Variants in THSD4 observed in about 807,000 individuals in gnomAD.
THSD4 encodes the protein thrombospondin type 1 domain containing 4.
THSD4 carries 69 observed loss-of-function variants against 119.0 expected under a neutral mutation model. That is an observed-to-expected ratio of 0.58 (90% CI 0.48 to 0.71). The LOEUF (loss-of-function observed/expected upper bound fraction) is 0.71. Among genes scored for constraint, THSD4 ranks in the 30% least tolerant of loss-of-function variants. The pLI, the probability that THSD4 is intolerant of heterozygous loss-of-function variation, is 0.00. For synonymous variants in THSD4, 524 were observed against 540.4 expected (o/e 0.97, Z 0.42); for missense variants, 1,393 against 1,391.1 (o/e 1.00, Z -0.02).
chr15:71,464,384 A>G (rs2047470576), intron 7 of THSD4, among the ~76,000 whole-genome samples: 1 of 152,086 alleles, frequency 6.6e-6, no homozygotes, highest in Admixed American at 6.5e-5. Flanking sequence ...ATTGCTTGTT[A>G]ATTTAGAGAA....
At chr15:71,351,173 G>A (rs960786922) in intron 6 of THSD4, among the ~76,000 whole-genome samples, 4 of 152,242 alleles carry the variant, frequency 2.6e-5, no homozygotes, top group African/African-American at 7.2e-5. Context: ...ACAATTGAAC[G>A]TTGCATGGTA....
At chr15:71,639,365 A>G (rs2050810805) in intron 7 of THSD4, among the ~76,000 whole-genome samples, 1 of 152,234 alleles carries the variant, frequency 6.6e-6, no homozygotes, top group South Asian at 2.1e-4. Context: ...AGCTCATAGA[A>G]TATCATTATT....
At chr15:71,691,178 A>G (rs2052042181) in intron 8 of THSD4, among the ~76,000 whole-genome samples, 1 of 152,204 alleles carries the variant, frequency 6.6e-6, no homozygotes, top group Admixed American at 6.5e-5. Flanking sequence ...TGGAAAGGCA[A>G]GGAAACAATT....
chr15:71,607,010 G>A (rs948693439), intron 7 of THSD4, among the ~76,000 whole-genome samples: 2 of 152,232 alleles, frequency 1.3e-5, no homozygotes, highest in East Asian at 1.9e-4. Flanking sequence ...TCCAACAGAA[G>A]TGTATTGGTA....
At chr15:71,668,924 A>T (rs543877332) in intron 8 of THSD4, among the ~76,000 whole-genome samples, 48 of 152,352 alleles carry the variant, frequency 3.2e-4, no homozygotes, top group South Asian at 6.2e-4. Flanking sequence ...ATTCTTGGAG[A>T]AGAAAACTTA....
At chr15:71,667,810 C>T (rs2051445414) in intron 8 of THSD4, among the ~76,000 whole-genome samples, 1 of 152,176 alleles carries the variant, frequency 6.6e-6, no homozygotes, top group South Asian at 2.1e-4. Context: ...ATTCCCTCTT[C>T]ATACAAACTC....
intron 6 of THSD4, among the ~76,000 whole-genome samples, chr15:71,393,005 G>A (rs906240284): frequency 1.3e-5 from 2 of 152,202 alleles, no homozygotes; most frequent in Non-Finnish European, 2.9e-5. Context: ...GCAGCCACAA[G>A]GGAACCTCCG....
chr15:71,492,923 A>G (rs2047944711), intron 7 of THSD4, among the ~76,000 whole-genome samples: 2 of 151,766 alleles, frequency 1.3e-5, no homozygotes, highest in African/African-American at 4.9e-5. Context: ...CATATAATGA[A>G]CTGTTGAAAA....
At chr15:71,218,629 A>C (rs576608606) in intron 4 of THSD4, among the ~76,000 whole-genome samples, 1 of 152,232 alleles carries the variant, frequency 6.6e-6, no homozygotes, top group Admixed American at 6.5e-5. Context: ...TGCTGCCTAC[A>C]TATGTCATGC....
chr15:71,264,226 C>T (rs1296292010), intron 6 of THSD4, among the ~76,000 whole-genome samples: 18 of 152,208 alleles, frequency 1.2e-4, no homozygotes, highest in Admixed American at 1.1e-3. Flanking sequence ...TTTACTGAAG[C>T]GGCTTTATTC....
intron 10 of THSD4, among the ~76,000 whole-genome samples, chr15:71,737,218 C>G (rs528554045): frequency 6.6e-6 from 1 of 152,280 alleles, no homozygotes; most frequent in South Asian, 2.1e-4. Flanking sequence ...AACTGAATTG[C>G]TAGGTCAAAG....
intron 7 of THSD4, among the ~76,000 whole-genome samples, chr15:71,612,771 C>T (rs139647961): frequency 1.1e-3 from 162 of 152,316 alleles, no homozygotes; most frequent in Middle Eastern, 3.4e-3. Context: ...ATTGATATGG[C>T]TCAAAGGTCC....
chr15:71,422,851 A>G (rs2140518490), intron 7 of THSD4, among the ~76,000 whole-genome samples: 1 of 152,182 alleles, frequency 6.6e-6, no homozygotes, highest in African/African-American at 2.4e-5. Context: ...GAAACCTAGG[A>G]ATCAACTGTT....
In THSD4 at chr15:71,276,792, G is replaced by A. The variant is rs192964613; in HGVS notation, c.1015+20077G>A. On this transcript the variant is annotated intron_variant, in intron 6 of 17. Transcript: ENST00000261862. ...AAATATGAACAGGTTATCGTACATTGTCTAAATGTATTCACATTTAAAATG... is the reference window on the plus strand; with the variant it reads ...AAATATGAACAGGTTATCGTACATTATCTAAATGTATTCACATTTAAAATG... Among the ~76,000 whole-genome samples, 8 of 152,320 alleles carry A rather than the reference G, an allele frequency of 5.3e-5. No individual in the cohort carries two copies. In the South Asian group the frequency reaches 1.0e-3, roughly 20 times the overall value.
At chr15:71,667,855 A>T (rs751051148) in intron 8 of THSD4, among the ~76,000 whole-genome samples, 1 of 152,208 alleles carries the variant, frequency 6.6e-6, no homozygotes, top group Non-Finnish European at 1.5e-5. Flanking sequence ...TGTAAAGACT[A>T]CTTGAAGGTA....
chr15:71,715,541 A>G (rs2052590294), intron 8 of THSD4, among the ~76,000 whole-genome samples: 1 of 151,738 alleles, frequency 6.6e-6, no homozygotes, highest in East Asian at 1.9e-4. Context: ...GTGTGTTTAT[A>G]TTTTTTTTAA....
chr15:71,628,669 GC>G (rs1316924767), intron 7 of THSD4, among the ~76,000 whole-genome samples: 3 of 152,194 alleles, frequency 2.0e-5, no homozygotes, highest in African/African-American at 7.2e-5. Flanking sequence ...GTGACACTTT[GC>G]GTAACAAGGG....
At chr15:71,261,131 A>C (rs562794908) in intron 6 of THSD4, among the ~76,000 whole-genome samples, 1 of 152,178 alleles carries the variant, frequency 6.6e-6, no homozygotes, top group African/African-American at 2.4e-5. Context: ...TGCAGATCTA[A>C]TTAAGATATA....
intron 7 of THSD4, among the ~76,000 whole-genome samples, chr15:71,625,895 T>C (rs1276200195): frequency 1.3e-5 from 2 of 152,142 alleles, no homozygotes; most frequent in East Asian, 1.9e-4. Context: ...TAATCCTGTT[T>C]AGAGAGTCAC....
Sources: allele counts gnomAD v4.1 joint callset (sites outside exome capture counted in the v4.1 genomes callset), GRCh38; gene constraint gnomAD v4.1.1; transcripts MANE v1.5; gene names NCBI Gene and HGNC (gene_info 2026-07-23, HGNC 2026-07-21).